Variants in TADA2B observed in about 807,000 individuals in gnomAD.
The protein encoded by TADA2B is transcriptional adaptor 2B.
Under a neutral mutation model 34.5 loss-of-function variants are expected in TADA2B, and 13 were observed. The observed-to-expected ratio is 0.38, with a 90% CI of 0.25 to 0.60. The LOEUF is 0.60. Among genes scored for constraint, TADA2B ranks in the 20% least tolerant of loss-of-function variants. TADA2B has a pLI of 0.65. For missense variants in TADA2B, 442 were observed against 575.0 expected (o/e 0.77, Z 2.37); for synonymous variants, 240 against 243.4 (o/e 0.99, Z 0.13).
Position 7,055,020 on chromosome 4 carries a change from C to A in TADA2B, c.1229C>A (p.Thr410Lys). 1 of 1,611,922 alleles carries A rather than the reference C, an allele frequency of 6.2e-7. No homozygotes were observed. The highest frequency in any genetic ancestry group is 8.5e-7 in the Non-Finnish European group (1 of 1,179,402). ...VLKKRILNFLTESGWISRDAS is the reference protein window; with the variant it reads ...VLKKRILNFLKESGWISRDAS ...AAGAAAAGGATTTTGAATTTCCTCA[C>A]AGAAAGCGGCTGGATCTCCAGGGAC... The change falls in exon 2 of 2, where the codon ACA (threonine) becomes AAA (lysine). Residue 410 changes from threonine (T) to lysine (K), a missense_variant. Thr to Lys is a moderately conservative substitution (Grantham distance 78). Around this residue, in one of 4 missense-constraint regions of TADA2B, gnomAD observed 114 missense variants for 144.7 expected, o/e 0.79. Coordinates refer to ENST00000310074, the MANE Select transcript of TADA2B (RefSeq NM_152293.3).
At chr4:7,047,482 A>G (rs528345109) in intron 1 of TADA2B, among the ~76,000 whole-genome samples, 1 of 152,362 alleles carries the variant, frequency 6.6e-6, no homozygotes, top group South Asian at 2.1e-4. Context: ...ATGATGGTGG[A>G]CACCCAGGAG....
Position 7,047,059 on chromosome 4 carries a change from G to T in TADA2B, c.270+3210G>T, listed in dbSNP as rs557503841. Reference sequence around the variant, plus strand: ...GTAAGAGTTGGCAAGCAGTGGCCTAGAGTCAGATTAGCGGGGTCTGGCGTC... The same window carrying T: ...GTAAGAGTTGGCAAGCAGTGGCCTATAGTCAGATTAGCGGGGTCTGGCGTC... On this transcript the variant is annotated intron_variant, in intron 1 of 1. Coordinates refer to ENST00000310074, the MANE Select transcript of TADA2B (RefSeq NM_152293.3). Among the ~76,000 whole-genome samples the T allele has an allele frequency of 2.2e-4, 33 of 152,294 alleles. No individual in the cohort carries two copies. In the Middle Eastern group the frequency reaches 0.01, roughly 47 times the overall value.
At chr4:7,053,951 G>T in intron 1 of TADA2B, 111 bp from the exon 2 acceptor site, 1 of 1,265,482 alleles carries the variant, frequency 7.9e-7, no homozygotes. Context: ...GGGTAACGGT[G>T]CTGTAGGAAG....
rs1189871248 is a variant in TADA2B at position 7,057,395 on chromosome 4, T to C, written c.*2341T>C. ...CCTGTTAGCCCATCGACTATTCCCG[T>C]CACGGTAGTCCTTACCTCTGTCGGC... On this transcript the variant is annotated 3_prime_UTR_variant, in exon 2 of 2. Coordinates refer to ENST00000310074, the MANE Select transcript of TADA2B (RefSeq NM_152293.3). 6.6e-6 allele frequency: 1 copy of C among 152,278 alleles called. No individual in the cohort carries two copies. The highest frequency in any genetic ancestry group is 1.5e-5 in the Non-Finnish European group (1 of 68,046). The allele number at this position is 152,278 out of a possible 1,614,324, so 9.4% of individuals were successfully genotyped here.
chr4:7,051,172 GC>G, intron 1 of TADA2B, among the ~76,000 whole-genome samples: 1 of 152,334 alleles, frequency 6.6e-6, no homozygotes, highest in African/African-American at 2.4e-5. Flanking sequence ...GTTGAGCCCG[GC>G]CCTGGGGGTC....
In TADA2B at chr4:7,055,992, C is replaced by T. The variant is rs910809420; in HGVS notation, c.*938C>T. The T allele has an allele frequency of 6.6e-6, 1 of 152,300 alleles. No individual in the cohort carries two copies. Among genetic ancestry groups the T allele is most frequent in the African/African-American group, 2.4e-5 (1 of 41,482 alleles). The allele number at this position is 152,300 out of a possible 1,614,324, so 9.4% of individuals were successfully genotyped here. ...GGCTAAGAGTTCTGAATTCTGGCGT[C>T]AGCTTCCTCAGGATTTTCTTCAGTT... On this transcript the variant is annotated 3_prime_UTR_variant, in exon 2 of 2. Transcript: ENST00000310074.
At position 7,056,196 on chromosome 4, in the gene TADA2B, G is replaced by C. The variant is rs1311105619; in HGVS notation, c.*1142G>C. The C allele has an allele frequency of 6.5e-6, 1 of 152,684 alleles. No individual in the cohort carries two copies. The highest frequency in any genetic ancestry group is 1.5e-5 in the Non-Finnish European group (1 of 68,086). 9.5% of individuals were successfully genotyped at this position (152,684 alleles called of 1,614,324 possible). ...GAGCCCGGGTGGTGCCCTGAGCCTC[G>C]AGCTGCTCTCTGTCACTGTCTTGAA... On this transcript the variant is annotated 3_prime_UTR_variant, in exon 2 of 2. Coordinates refer to ENST00000310074, the MANE Select transcript of TADA2B (RefSeq NM_152293.3).
At chr4:7,052,477 G>A (rs1218951056) in intron 1 of TADA2B, among the ~76,000 whole-genome samples, 2 of 152,244 alleles carry the variant, frequency 1.3e-5, no homozygotes, top group Non-Finnish European at 1.5e-5. Flanking sequence ...TCCTGGTGGC[G>A]TCTGCCCCGG....
At chr4:7,054,001 G>T in intron 1 of TADA2B, 61 bp from the exon 2 acceptor site, 1 of 1,492,534 alleles carries the variant, frequency 6.7e-7, no homozygotes, top group Non-Finnish European at 9.0e-7. Context: ...AAGAGAATCT[G>T]TGCGGAACCC....
chr4:7,051,501 T>C (rs944472088), intron 1 of TADA2B, among the ~76,000 whole-genome samples: 7 of 152,044 alleles, frequency 4.6e-5, no homozygotes, highest in African/African-American at 1.7e-4. Context: ...CTGATGCCGA[T>C]GGGTTTGTGC....
At chr4:7,051,884 A>G (rs1723778859) in intron 1 of TADA2B, among the ~76,000 whole-genome samples, 1 of 152,244 alleles carries the variant, frequency 6.6e-6, no homozygotes, top group Non-Finnish European at 1.5e-5. Context: ...GGCGTGAGCC[A>G]CCGTGCCCAG....
chr4:7,054,036 C>T (rs769166964), intron 1 of TADA2B, 26 bp from the exon 2 acceptor site: 1 of 1,533,488 alleles, frequency 6.5e-7, no homozygotes, highest in Non-Finnish European at 8.8e-7. Flanking sequence ...GATGGTGGAA[C>T]TAACTTCTGC....
At position 7,055,228 on chromosome 4, in the gene TADA2B, T is replaced by C. The variant is rs1560396147; in HGVS notation, c.*174T>C. The C allele has an allele frequency of 3.0e-6, 2 of 670,310 alleles. No homozygotes were observed. Among genetic ancestry groups the C allele is most frequent in the South Asian group, 2.1e-5 (1 of 47,072 alleles). 41.5% of individuals were successfully genotyped at this position (670,310 alleles called of 1,614,324 possible). ...GAAAGAAGCAATAGTAACAATCTTA[T>C]ATTGGATCATGGGGGAAGCAAATGT... On this transcript the variant is annotated 3_prime_UTR_variant, in exon 2 of 2. Transcript: ENST00000310074.
chr4:7,049,577 G>A (rs186209018), intron 1 of TADA2B, among the ~76,000 whole-genome samples: 1 of 152,374 alleles, frequency 6.6e-6, no homozygotes, highest in East Asian at 1.9e-4. Flanking sequence ...GGGGGCAGTG[G>A]CCAGGGACAG....
rs1723862860 is a variant in TADA2B at position 7,055,262 on chromosome 4, T to C, written c.*208T>C. ...ATGGGGGAAGCAAATGTGTGTATTT[T>C]AAGTGAGTTCCTGCGAGTCATACAC... On this transcript the variant is annotated 3_prime_UTR_variant, in exon 2 of 2. Coordinates refer to ENST00000310074, the MANE Select transcript of TADA2B (RefSeq NM_152293.3). The C allele has an allele frequency of 1.7e-6, 1 of 581,122 alleles. No homozygotes were observed. The highest frequency in any genetic ancestry group is 3.0e-6 in the Non-Finnish European group (1 of 334,624). The allele number at this position is 581,122 out of a possible 1,614,324, so 36.0% of individuals were successfully genotyped here. A position where few individuals can be genotyped will look rare whatever the true frequency, so the allele number is the denominator to read the frequency against.
intron 1 of TADA2B, among the ~76,000 whole-genome samples, chr4:7,048,449 TA>T (rs1723690631): frequency 6.6e-6 from 1 of 152,142 alleles, no homozygotes; most frequent in Admixed American, 6.5e-5. Context: ...TCTGCATTTC[TA>T]ACAACCTCCT....
At chr4:7,043,874 TC>T (rs768316850) in intron 1 of TADA2B, 25 bp downstream of exon 1, 10 of 1,460,130 alleles carry the variant, frequency 6.8e-6, no homozygotes, top group Non-Finnish European at 9.0e-6. Context: ...GGGGGCCGGG[TC>T]CCGGCTAGGG....
intron 1 of TADA2B, among the ~76,000 whole-genome samples, chr4:7,049,134 A>G (rs1007047679): frequency 6.6e-6 from 1 of 152,074 alleles, no homozygotes; most frequent in Non-Finnish European, 1.5e-5. Context: ...GCTGGAGTGC[A>G]GTGGCACAAT....
chr4:7,057,495 T>C lies in TADA2B; in HGVS notation c.*2441T>C, dbSNP rs1045903978. 2.6e-5 allele frequency: 4 copies of C among 152,192 alleles called. No individual in the cohort carries two copies. Among genetic ancestry groups the C allele is most frequent in the African/African-American group, 9.6e-5 (4 of 41,452 alleles). 9.4% of individuals were successfully genotyped at this position (152,192 alleles called of 1,614,324 possible). A position where few individuals can be genotyped will look rare whatever the true frequency, so the allele number is the denominator to read the frequency against. On this transcript the variant is annotated 3_prime_UTR_variant, in exon 2 of 2. Coordinates refer to ENST00000310074, the MANE Select transcript of TADA2B (RefSeq NM_152293.3). ...ACCATAATCCCATGGAATTAGGTCTTGTTAAAATCTAGTCCGGGCGCAGTG... is the reference window on the plus strand; with the variant it reads ...ACCATAATCCCATGGAATTAGGTCTCGTTAAAATCTAGTCCGGGCGCAGTG...
Sources: gnomAD v4.1 joint callset for allele counts (sites outside exome capture counted in the v4.1 genomes callset) on GRCh38, gnomAD v4.1.1 for gene constraint, gnomAD v4.1.1 regional missense constraint, MANE v1.5 for transcripts, NCBI Gene and HGNC (gene_info 2026-07-23, HGNC 2026-07-21) for gene names.